The following ZNF385D variants were observed in gnomAD, a reference collection of about 807,000 sequenced individuals.
ZNF385D encodes zinc finger protein 385D.
A neutral mutation model predicts 35.8 loss-of-function variants in ZNF385D; 15 were observed. That is an observed-to-expected ratio of 0.42 (90% CI 0.28 to 0.64). The LOEUF (loss-of-function observed/expected upper bound fraction) is 0.64. Ranked by LOEUF, ZNF385D falls within the 30% of genes least tolerant of loss-of-function variation. The probability of loss-of-function intolerance (pLI) is 0.23; values close to 1 mark genes in which losing one functional copy is unlikely to be tolerated. For synonymous variants in ZNF385D, 212 were observed against 186.8 expected (o/e 1.13, Z -1.10); for missense variants, 474 against 494.6 (o/e 0.96, Z 0.39).
intron 1 of ZNF385D, among the ~76,000 whole-genome samples, chr3:21,670,650 G>A (rs113022770): frequency 7.4e-4 from 3 of 4,042 alleles, no homozygotes; most frequent in African/African-American, 1.1e-3. Context: ...ATCCTAAGGC[G>A]CCCCCCCCCC....
At chr3:22,132,442 C>T (rs1013409185) in intron 3 of ZNF385D, among the ~76,000 whole-genome samples, 1 of 152,102 alleles carries the variant, frequency 6.6e-6, no homozygotes, top group African/African-American at 2.4e-5. Context: ...GCAGTTCAAA[C>T]ACACTAAGAC....
At chr3:22,233,675 A>C (rs1699021722) in intron 2 of ZNF385D, among the ~76,000 whole-genome samples, 2 of 152,100 alleles carry the variant, frequency 1.3e-5, no homozygotes, top group South Asian at 4.1e-4. Context: ...CACTTCACTG[A>C]AATTATCCCA....
chr3:22,040,520 A>T (rs548835387), intron 3 of ZNF385D, among the ~76,000 whole-genome samples: 2 of 152,194 alleles, frequency 1.3e-5, no homozygotes, highest in Non-Finnish European at 2.9e-5. Context: ...TAAAATGGGG[A>T]AAAATAAATT....
chr3:21,841,969 T>A (rs1335651091), intron 3 of ZNF385D, among the ~76,000 whole-genome samples: 1 of 151,542 alleles, frequency 6.6e-6, no homozygotes, highest in Admixed American at 6.6e-5. Flanking sequence ...CACACATATA[T>A]AATTGAATCT....
At chr3:22,266,099 G>T (rs1157693757) in intron 2 of ZNF385D, among the ~76,000 whole-genome samples, 1 of 151,908 alleles carries the variant, frequency 6.6e-6, no homozygotes, top group African/African-American at 2.4e-5. Flanking sequence ...TTCTGTCAAT[G>T]ACTGAGGTTA....
intron 3 of ZNF385D, among the ~76,000 whole-genome samples, chr3:22,025,298 A>G (rs983700586): frequency 6.6e-6 from 1 of 152,126 alleles, no homozygotes; most frequent in Non-Finnish European, 1.5e-5. Context: ...AGGAAAGATA[A>G]TGTTGATTCT....
At chr3:21,964,433 G>A (rs6776488) in intron 3 of ZNF385D, among the ~76,000 whole-genome samples, 34,964 of 93,276 alleles carry the variant, frequency 0.37, 6,834 homozygotes, top group Non-Finnish European at 0.48. Context: ...AAAAAAAAAA[G>A]AAAAAAAAAA....
intron 2 of ZNF385D, among the ~76,000 whole-genome samples, chr3:22,269,092 G>GAACA (rs747290923): frequency 6.6e-6 from 1 of 151,776 alleles, no homozygotes; most frequent in Non-Finnish European, 1.5e-5. Context: ...ATAAACAAAT[G>GAACA]AACAAACAAA....
intron 3 of ZNF385D, among the ~76,000 whole-genome samples, chr3:22,168,239 C>T (rs1706461952): frequency 6.6e-6 from 1 of 152,060 alleles, no homozygotes; most frequent in Non-Finnish European, 1.5e-5. Flanking sequence ...TCCATTTCTT[C>T]CCAAAGATAT....
chr3:22,357,220 T>C (rs1223253612), intron 2 of ZNF385D, among the ~76,000 whole-genome samples: 2 of 151,920 alleles, frequency 1.3e-5, no homozygotes, highest in Admixed American at 6.6e-5. Flanking sequence ...TGTTTTTAAG[T>C]TTCAGGAAGT....
At chr3:21,766,391 C>A (rs2070831492) in intron 3 of ZNF385D, among the ~76,000 whole-genome samples, 1 of 152,020 alleles carries the variant, frequency 6.6e-6, no homozygotes, top group Non-Finnish European at 1.5e-5. Context: ...AGGACATGGG[C>A]TTATTGATGT....
intron 1 of ZNF385D, among the ~76,000 whole-genome samples, chr3:21,712,591 T>C (rs922886865): frequency 2.0e-5 from 3 of 152,204 alleles, no homozygotes; most frequent in African/African-American, 7.2e-5. Context: ...CGCTGTAAAA[T>C]GACTTGAGAA....
At chr3:22,215,756 A>G (rs1179029246) in intron 2 of ZNF385D, among the ~76,000 whole-genome samples, 1 of 151,768 alleles carries the variant, frequency 6.6e-6, no homozygotes, top group African/African-American at 2.4e-5. Flanking sequence ...CCCTATTTGT[A>G]CACACCCTCC....
At chr3:21,567,416 A>G (rs972229223) in intron 2 of ZNF385D, among the ~76,000 whole-genome samples, 1 of 152,126 alleles carries the variant, frequency 6.6e-6, no homozygotes, top group Non-Finnish European at 1.5e-5. Flanking sequence ...AAAATTAACA[A>G]TGCACAGAGC....
intron 2 of ZNF385D, among the ~76,000 whole-genome samples, chr3:22,199,147 A>G (rs968379709): frequency 6.7e-6 from 1 of 149,300 alleles, no homozygotes; most frequent in African/African-American, 2.6e-5. Flanking sequence ...AAAAAACATA[A>G]TCTCATCTCC....
At chr3:21,802,782 T>C (rs2072465436) in intron 3 of ZNF385D, among the ~76,000 whole-genome samples, 1 of 152,170 alleles carries the variant, frequency 6.6e-6, no homozygotes, top group African/African-American at 2.4e-5. Context: ...TGCTTACCTG[T>C]CCACCTGTCT....
intron 3 of ZNF385D, among the ~76,000 whole-genome samples, chr3:22,097,554 C>G (rs989364258): frequency 6.6e-6 from 1 of 151,976 alleles, no homozygotes; most frequent in Non-Finnish European, 1.5e-5. Flanking sequence ...AAAGAGTTTT[C>G]CAAGAACATT....
chr3:21,525,582 G>C (rs1575106331), intron 3 of ZNF385D, among the ~76,000 whole-genome samples: 1 of 151,380 alleles, frequency 6.6e-6, no homozygotes, highest in East Asian at 1.9e-4. Flanking sequence ...TACTCAGGAG[G>C]CTGAGGGAGG....
At chr3:22,319,555 G>C (rs561993437) in intron 2 of ZNF385D, among the ~76,000 whole-genome samples, 4 of 152,244 alleles carry the variant, frequency 2.6e-5, no homozygotes, top group East Asian at 3.9e-4. Flanking sequence ...AGAATCAAAA[G>C]ATGTCTCATT....
Sources: gnomAD v4.1 joint callset for allele counts (sites outside exome capture counted in the v4.1 genomes callset) on GRCh38, gnomAD v4.1.1 for gene constraint, MANE v1.5 for transcripts, NCBI Gene and HGNC (gene_info 2026-07-23, HGNC 2026-07-21) for gene names.